OTOG: variants seen among roughly 807,000 people sequenced by gnomAD.
The protein encoded by OTOG is otogelin.
A neutral mutation model predicts 313.8 loss-of-function variants in OTOG; 296 were observed. The observed-to-expected ratio is 0.94, with a 90% CI of 0.86 to 1.04. OTOG has a LOEUF of 1.04. OTOG is among the 50% of genes least tolerant of loss of function. The pLI is 0.00. For synonymous variants in OTOG, 1,533 were observed against 1,554.9 expected, an observed-to-expected ratio of 0.99 and a Z score of 0.33; for missense variants, 3,948 against 3,840.1, an observed-to-expected ratio of 1.03 and a Z score of -0.74.
intron 27 of OTOG, 64 bp from the exon 28 acceptor site, chr11:17,593,983 C>A: frequency 6.5e-7 from 1 of 1,544,932 alleles, no homozygotes; most frequent in African/African-American, 1.4e-5. Context: ...TCATGGTGAC[C>A]CCTCTGCCCG....
At chr11:17,598,173 G>A (rs567106175) in intron 30 of OTOG, among the ~76,000 whole-genome samples, 4 of 152,194 alleles carry the variant, frequency 2.6e-5, no homozygotes, top group African/African-American at 7.2e-5. Flanking sequence ...TGCAAGACTA[G>A]GGGGAGGTGA....
At position 17,559,572 on chromosome 11, in the gene OTOG, T is replaced by C; in HGVS notation, c.1252T>C (p.Cys418Arg). The change falls in exon 12 of 56, where the codon TGC becomes CGC. Residue 418 changes from cysteine (C) to arginine (R), a missense_variant. Transcript: ENST00000399397. ...CKEKAFTYNE[C>R]IACCPASCHP... ...GGAGAAGGCCTTTACCTACAATGAG[T>C]GCATCGCCTGCTGCCCTGCCTCCTG... The C allele has an allele frequency of 6.4e-7, 1 of 1,550,670 alleles. No homozygotes were observed. The highest frequency in any genetic ancestry group is 8.7e-7 in the Non-Finnish European group (1 of 1,147,018).
In OTOG at chr11:17,609,704, C is replaced by A; in HGVS notation, c.4404C>A (p.Thr1468=). Residue 1468 remains threonine (T), a synonymous_variant, in exon 36 of 56, where the codon ACC becomes ACA. Transcript: ENST00000399397. ...WVPTEALGNE[T]LPPSQGLPTP... is the part of the protein sequence containing the mutation. ...CCACAGAGGCCCTTGGCAATGAGAC[C>A]CTCCCTCCCAGTCAAGGGTTGCCCA... 1 of 1,526,100 alleles carries A rather than the reference C, an allele frequency of 6.6e-7. No individual in the cohort carries two copies. Among genetic ancestry groups the A allele is most frequent in the South Asian group, 1.3e-5 (1 of 79,780 alleles). The allele number at this position is 1,526,100 out of a possible 1,614,324, so 94.5% of individuals were successfully genotyped here. A position where few individuals can be genotyped will look rare whatever the true frequency, so the allele number is the denominator to read the frequency against.
Position 17,573,152 on chromosome 11 carries a change from G to A in OTOG, c.2155G>A (p.Val719Met), listed in dbSNP as rs1454539997. 9 of 1,545,228 alleles carry A rather than the reference G, an allele frequency of 5.8e-6. No individual in the cohort carries two copies. The highest frequency in any genetic ancestry group is 2.7e-5 in the African/African-American group (2 of 73,038). The change falls in exon 19 of 56, where the codon GTG becomes ATG. Residue 719 changes from valine to methionine, a missense_variant. Physicochemically the swap from Val to Met is conservative, Grantham distance 21. Transcript: ENST00000399397. ...FAPCSAFLSP[V>M]PYFEQCRRDA... ...GCCCTGCTCTGCGTTCCTGAGCCCC[G>A]TGCCCTACTTTGAGCAGTGCCGCAG...
At chr11:17,547,691 G>A in intron 1 of OTOG, 1 of 788,204 alleles carries the variant, frequency 1.3e-6, no homozygotes, top group Non-Finnish European at 1.7e-6. Flanking sequence ...GGGTGGAAGA[G>A]ACCCGAGGTG....
chr11:17,611,169 G>A lies in OTOG; in HGVS notation c.5869G>A (p.Ala1957Thr). The A allele has an allele frequency of 6.4e-7, 1 of 1,550,540 alleles. No homozygotes were observed. The highest frequency in any genetic ancestry group is 8.7e-7 in the Non-Finnish European group (1 of 1,147,002). Residue 1957 changes from alanine (A) to threonine (T), a missense_variant, in exon 36 of 56, where the codon GCT (alanine) becomes ACT (threonine). Transcript: ENST00000399397. ...GCCCGAGGGAGCCCAGGCAGGCACA[G>A]CTCTGCCAGTGCCCACATCCTATGC... ...AEPEGAQAGT[A>T]LPVPTSYALS...
Position 17,559,568 on chromosome 11 carries a change from T to G in OTOG, c.1248T>G (p.Asn416Lys), listed in dbSNP as rs1464865729. 1 of 1,550,744 alleles carries G rather than the reference T, an allele frequency of 6.4e-7. No individual in the cohort carries two copies. The highest frequency in any genetic ancestry group is 1.2e-5 in the South Asian group (1 of 84,058). Reference protein sequence around the residue: ...VHCKEKAFTYNECIACCPASC... With the variant: ...VHCKEKAFTYKECIACCPASC... Reference sequence around the variant, plus strand: ...GCAAGGAGAAGGCCTTTACCTACAATGAGTGCATCGCCTGCTGCCCTGCCT... The same window carrying G: ...GCAAGGAGAAGGCCTTTACCTACAAGGAGTGCATCGCCTGCTGCCCTGCCT... The change falls in exon 12 of 56, where the codon AAT becomes AAG. Residue 416 changes from asparagine (N) to lysine (K), a missense_variant. Transcript: ENST00000399397.
At position 17,620,954 on chromosome 11, in the gene OTOG, C is replaced by T. The variant is rs1225660626; in HGVS notation, c.6528+7253C>T. ...TCATCTGCACAAGTTTGATTTGGGT[C>T]TTTTTATATCATGAACATCTCACCT... On this transcript the variant is annotated intron_variant, in intron 39 of 55. Coordinates refer to ENST00000399397, the MANE Select transcript of OTOG (RefSeq NM_001292063.2). Among the ~76,000 whole-genome samples the T allele has an allele frequency of 2.0e-5, 3 of 152,160 alleles. No homozygotes were observed. In the East Asian group the frequency reaches 5.8e-4, roughly 29 times the overall value.
intron 24 of OTOG, among the ~76,000 whole-genome samples, chr11:17,591,115 T>A (rs887655941): frequency 6.6e-6 from 1 of 152,250 alleles, no homozygotes; most frequent in Admixed American, 6.5e-5. Context: ...TTTGGAAGAA[T>A]GCCTGAGATA....
chr11:17,597,672 ATTAATAT>A (rs1274360451), intron 30 of OTOG, among the ~76,000 whole-genome samples: 1 of 152,236 alleles, frequency 6.6e-6, no homozygotes, highest in East Asian at 1.9e-4. Flanking sequence ...AAATTTAAAA[ATTAATAT>A]TTAAAAGATG....
chr11:17,637,972 T>A (rs555917129), intron 47 of OTOG, among the ~76,000 whole-genome samples: 1 of 152,298 alleles, frequency 6.6e-6, no homozygotes, highest in Admixed American at 6.5e-5. Flanking sequence ...GGCTGAGGAA[T>A]CCTGAACTGA....
At chr11:17,548,418 C>CTTTTTTTTTTTTT (rs56402246) in intron 3 of OTOG, among the ~76,000 whole-genome samples, 3 of 87,630 alleles carry the variant, frequency 3.4e-5, no homozygotes, top group African/African-American at 1.4e-4. Context: ...ATAGTCCACT[C>CTTTTTTTTTTTTT]TTTTTTTTTT....
chr11:17,609,156 C>T lies in OTOG; in HGVS notation c.4301C>T (p.Pro1434Leu). The T allele has an allele frequency of 1.3e-6, 2 of 1,550,530 alleles. No homozygotes were observed. Among genetic ancestry groups the T allele is most frequent in the Non-Finnish European group, 1.7e-6 (2 of 1,146,914 alleles). Residue 1434 changes from proline (P) to leucine (L), a missense_variant, in exon 35 of 56, where the codon CCC becomes CTC. By Grantham distance (98) the Pro-to-Leu change is moderately conservative (BLOSUM62 -3). Coordinates refer to ENST00000399397, the MANE Select transcript of OTOG (RefSeq NM_001292063.2). ...PRVEGCVPVC[P>L]TPQVLDEVTQ... ...GTAGAAGGCTGTGTCCCTGTGTGCCCCACCCCCCAGGTCCTGGATGAAGTC... is the reference window on the plus strand; with the variant it reads ...GTAGAAGGCTGTGTCCCTGTGTGCCTCACCCCCCAGGTCCTGGATGAAGTC...
intron 15 of OTOG, among the ~76,000 whole-genome samples, chr11:17,565,480 T>C (rs1330224587): frequency 6.6e-6 from 1 of 152,232 alleles, no homozygotes; most frequent in African/African-American, 2.4e-5. Context: ...TTCTCCACTG[T>C]AAACTTACTC....
At position 17,553,442 on chromosome 11, in the gene OTOG, T is replaced by C; in HGVS notation, c.463T>C (p.Tyr155His). ...QHHVETFDGL[Y>H]YYLSGKGSYT... is the part of the protein sequence containing the mutation. The stretch of plus-strand genomic sequence containing the variant: ...CCACGTGGAGACATTTGATGGGCTC[T>C]ACTACTACCTCTCCGGAAAGGGCAG... The change falls in exon 6 of 56, where the codon TAC becomes CAC. Residue 155 changes from tyrosine (Y) to histidine (H), a missense_variant. By Grantham distance (83) the Tyr-to-His change is moderately conservative (BLOSUM62 2). Coordinates refer to ENST00000399397, the MANE Select transcript of OTOG (RefSeq NM_001292063.2). 6.8e-7 allele frequency: 1 copy of C among 1,472,118 alleles called. No individual in the cohort carries two copies. The highest frequency in any genetic ancestry group is 1.4e-5 in the African/African-American group (1 of 70,510). 91.2% of individuals were successfully genotyped at this position (1,472,118 alleles called of 1,614,324 possible).
At chr11:17,614,785 T>C (rs184367285) in intron 39 of OTOG, among the ~76,000 whole-genome samples, 230 of 152,342 alleles carry the variant, frequency 1.5e-3, no homozygotes, top group South Asian at 3.5e-3. Flanking sequence ...TATTTATCCA[T>C]TAACCAGTTG....
At chr11:17,562,706 T>A (rs1565093906) in intron 15 of OTOG, among the ~76,000 whole-genome samples, 1 of 151,960 alleles carries the variant, frequency 6.6e-6, no homozygotes, top group African/African-American at 2.4e-5. Flanking sequence ...CCTCAGTGTT[T>A]AAAAAAAAAT....
At chr11:17,606,291 G>A (rs997842900) in intron 33 of OTOG, among the ~76,000 whole-genome samples, 156 bp downstream of exon 33, 1 of 152,238 alleles carries the variant, frequency 6.6e-6, no homozygotes, top group Non-Finnish European at 1.5e-5. Flanking sequence ...TGAGATGAGA[G>A]GTGGCCCAGC....
At chr11:17,643,006 G>A (rs533137160) in intron 53 of OTOG, among the ~76,000 whole-genome samples, 52 of 152,320 alleles carry the variant, frequency 3.4e-4, no homozygotes, top group African/African-American at 1.2e-3. Context: ...TCATTATAGA[G>A]GAGGAGGGTT....
Sources: allele counts gnomAD v4.1 joint callset (sites outside exome capture counted in the v4.1 genomes callset), GRCh38; gene constraint gnomAD v4.1.1; transcripts MANE v1.5; gene names NCBI Gene and HGNC (gene_info 2026-07-23, HGNC 2026-07-21).